MARF1: variants seen among roughly 807,000 people sequenced by gnomAD.
MARF1 encodes meiosis regulator and mRNA stability factor 1, also known as limkain-b1.
In MARF1, 24 loss-of-function variants were observed where a neutral mutation model predicts 168.2. The ratio of observed to expected loss-of-function variants is 0.14; its 90% confidence interval spans 0.10 to 0.20. The LOEUF (loss-of-function observed/expected upper bound fraction) is 0.20. MARF1 is among the 10% of genes least tolerant of loss of function. The probability of loss-of-function intolerance (pLI) is 1.00; values close to 1 mark genes in which losing one functional copy is unlikely to be tolerated. For synonymous variants in MARF1, 868 were observed against 822.4 expected (o/e 1.06, Z -0.95); for missense variants, 1,744 against 2,143.6 (o/e 0.81, Z 3.68).
intron 23 of MARF1, chr16:15,601,035 C>T: frequency 1.7e-6 from 1 of 571,680 alleles, no homozygotes; most frequent in Non-Finnish European, 3.3e-6. Flanking sequence ...CATTTTTTTG[C>T]AGAAACTGAA....
At position 15,596,025 on chromosome 16, in the gene MARF1, G is replaced by A. The variant is rs1276978820; in HGVS notation, c.*668C>T. On this transcript the variant is annotated 3_prime_UTR_variant, in exon 27 of 27. Coordinates refer to ENST00000396368, the MANE Select transcript of MARF1 (RefSeq NM_014647.4). ...CAACTTTCTAGAAAGCTCCTAAATG[G>A]AACCCCAAAGTAGAAACGTTTAAAA... The A allele has an allele frequency of 6.6e-6, 1 of 152,486 alleles. No individual in the cohort carries two copies. The highest frequency in any genetic ancestry group is 1.5e-5 in the Non-Finnish European group (1 of 68,018). The allele number at this position is 152,486 out of a possible 1,614,324, so 9.4% of individuals were successfully genotyped here.
At chr16:15,624,111 C>G (rs1411757585) in intron 10 of MARF1, among the ~76,000 whole-genome samples, 1 of 151,706 alleles carries the variant, frequency 6.6e-6, no homozygotes, top group Non-Finnish European at 1.5e-5. Flanking sequence ...TGGGGTTTCA[C>G]CGTGTTAGCC....
intron 4 of MARF1, 115 bp from the exon 5 acceptor site, chr16:15,633,958 T>C: frequency 1.2e-6 from 1 of 866,908 alleles, no homozygotes; most frequent in Non-Finnish European, 1.8e-6. Flanking sequence ...TATTAATGAA[T>C]GCCAAGTTTT....
Position 15,609,730 on chromosome 16 carries a change from T to A in MARF1, c.3752-5A>T, listed in dbSNP as rs1567543010. 6.2e-7 allele frequency: 1 copy of A among 1,611,158 alleles called. No individual in the cohort carries two copies. Among genetic ancestry groups the A allele is most frequent in the South Asian group, 1.1e-5 (1 of 90,718 alleles). On this transcript the variant is annotated splice_region_variant and splice_polypyrimidine_tract_variant and intron_variant, in intron 19 of 26. Coordinates refer to ENST00000396368, the MANE Select transcript of MARF1 (RefSeq NM_014647.4). ...CTATTTCATCCTGAGTGCGTTCTTT[T>A]AAAAAAACCAAAAAACATAAAATCA... is the stretch of plus-strand genomic sequence containing the variant.
chr16:15,617,006 AGCAGAACTAGG>A, intron 15 of MARF1, 35 bp downstream of exon 15: 1 of 1,579,184 alleles, frequency 6.3e-7, no homozygotes, highest in Non-Finnish European at 8.6e-7. Context: ...TCCTATAAAA[AGCAGAACTAGG>A]GCATTATATC....
At position 15,635,705 on chromosome 16, in the gene MARF1, G is replaced by A; in HGVS notation, c.782C>T (p.Pro261Leu). The A allele has an allele frequency of 6.2e-7, 1 of 1,614,108 alleles. No homozygotes were observed. The highest frequency in any genetic ancestry group is 8.5e-7 in the Non-Finnish European group (1 of 1,180,038). ...AAGTGAGCCCTTTAAACAAACCGGA[G>A]GTACCACATTAAGGTGCAAAGAGTT... is the stretch of plus-strand genomic sequence containing the variant. ...CTNSLHLNVV[P>L]PVCLKGSLYC... Residue 261 changes from proline (P) to leucine (L), a missense_variant, in exon 3 of 27, where the codon CCT becomes CTT. Physicochemically the swap from Pro to Leu is moderately conservative, Grantham distance 98 (BLOSUM62 -3). Coordinates refer to ENST00000396368, the MANE Select transcript of MARF1 (RefSeq NM_014647.4).
At chr16:15,601,074 T>A in intron 23 of MARF1, 1 of 504,350 alleles carries the variant, frequency 2.0e-6, no homozygotes, top group South Asian at 1.5e-5. Context: ...AAGAGCAATC[T>A]CTCAGACCCT....
At chr16:15,627,483 T>C (rs1462452623) in intron 7 of MARF1, among the ~76,000 whole-genome samples, 1 of 152,172 alleles carries the variant, frequency 6.6e-6, no homozygotes, top group African/African-American at 2.4e-5. Flanking sequence ...CCAGGCGTGG[T>C]GGCGGGCGCC....
At chr16:15,617,213 G>T in intron 14 of MARF1, 42 bp from the exon 15 acceptor site, 1 of 1,610,368 alleles carries the variant, frequency 6.2e-7, no homozygotes, top group Non-Finnish European at 8.5e-7. Context: ...CATTCCGCAG[G>T]GGTCTAAGAT....
At chr16:15,599,196 A>C in intron 25 of MARF1, 172 bp from the exon 26 acceptor site, 3 of 653,536 alleles carry the variant, frequency 4.6e-6, no homozygotes, top group Non-Finnish European at 7.9e-6. Context: ...AAACCCACTA[A>C]CAGGAAGATC....
chr16:15,597,936 C>T (rs916779165), intron 26 of MARF1, among the ~76,000 whole-genome samples: 2 of 152,074 alleles, frequency 1.3e-5, no homozygotes, highest in Non-Finnish European at 2.9e-5. Context: ...TCCAAGTCAA[C>T]AGCCTCAGTT....
chr16:15,633,795 G>C lies in MARF1; in HGVS notation c.1055C>G (p.Pro352Arg), dbSNP rs760476370. The C allele has an allele frequency of 6.2e-6, 10 of 1,613,794 alleles. No individual in the cohort carries two copies. Among genetic ancestry groups the C allele is most frequent in the Non-Finnish European group, 8.5e-6 (10 of 1,179,946 alleles). ...VAGQVLENLPPIGVFWDIENC... is the reference protein window; with the variant it reads ...VAGQVLENLPRIGVFWDIENC... Reference sequence around the variant, plus strand: ...TTCAATATCCCAAAAAACTCCAATGGGGGGTAAGTTTTCTAGCACCTGTCC... The same window carrying C: ...TTCAATATCCCAAAAAACTCCAATGCGGGGTAAGTTTTCTAGCACCTGTCC... The change falls in exon 5 of 27, where the codon CCC (proline) becomes CGC (arginine). Residue 352 changes from proline to arginine, a missense_variant. Coordinates refer to ENST00000396368, the MANE Select transcript of MARF1 (RefSeq NM_014647.4).
chr16:15,611,788 C>T (rs2033583614), intron 17 of MARF1, 54 bp from the exon 18 acceptor site: 1 of 1,494,550 alleles, frequency 6.7e-7, no homozygotes, highest in African/African-American at 1.4e-5. Context: ...ACAGCGACTT[C>T]CTTGCTGCTG....
intron 10 of MARF1, among the ~76,000 whole-genome samples, chr16:15,624,078 A>C (rs2034664337): frequency 6.6e-6 from 1 of 151,908 alleles, no homozygotes; most frequent in Non-Finnish European, 1.5e-5. Context: ...CGCCCGGCTA[A>C]TTTTTTGTAT....
chr16:15,596,553 CATGAT>C lies in MARF1; in HGVS notation c.*135_*139del. The C allele has an allele frequency of 2.7e-6, 2 of 742,494 alleles. No individual in the cohort carries two copies. The highest frequency in any genetic ancestry group is 4.0e-6 in the Non-Finnish European group (2 of 493,912). 46.0% of individuals were successfully genotyped at this position (742,494 alleles called of 1,614,324 possible). ...AGCTGTGTTCAATGGAAAAGAAAAA[CATGAT>C]AGAACACAGGTAAGATGAAGTCAAT... On this transcript the variant is annotated 3_prime_UTR_variant, in exon 27 of 27. Transcript: ENST00000396368.
intron 1 of MARF1, among the ~76,000 whole-genome samples, chr16:15,640,872 T>C (rs2035904055): frequency 6.6e-6 from 1 of 152,238 alleles, no homozygotes; most frequent in African/African-American, 2.4e-5. Flanking sequence ...AAAGCCTATA[T>C]TTACTACGTG....
intron 1 of MARF1, among the ~76,000 whole-genome samples, chr16:15,640,442 G>T (rs2035874712): frequency 1.3e-5 from 2 of 152,156 alleles, no homozygotes; most frequent in East Asian, 1.9e-4. Flanking sequence ...CGTGGCTCAG[G>T]CCTGCAATCC....
chr16:15,626,406 A>C (rs144729565), intron 7 of MARF1, among the ~76,000 whole-genome samples: 1 of 152,344 alleles, frequency 6.6e-6, no homozygotes, highest in African/African-American at 2.4e-5. Context: ...GTTTTTTAAA[A>C]GTCTATTTAT....
Position 15,604,323 on chromosome 16 carries a change from G to T in MARF1, c.4258C>A (p.Leu1420Met). The change falls in exon 22 of 27, where the codon CTG becomes ATG. Residue 1420 changes from leucine to methionine, a missense_variant. Physicochemically the swap from Leu to Met is conservative, Grantham distance 15. This residue lies in a region of MARF1 where 74 missense variants were observed against 66.7 expected (regional missense o/e 1.11). Coordinates refer to ENST00000396368, the MANE Select transcript of MARF1 (RefSeq NM_014647.4). ...KSLRSLTAQL[L>M]VLLMSWEGTT... ...CCTTCCCAAGACATCAACAATACCA[G>T]CAACTGGGCAGTGAGAGATCGCAGA... 6.2e-7 allele frequency: 1 copy of T among 1,614,158 alleles called. No individual in the cohort carries two copies. The highest frequency in any genetic ancestry group is 8.5e-7 in the Non-Finnish European group (1 of 1,180,006).
Sources: gnomAD v4.1 joint callset for allele counts (sites outside exome capture counted in the v4.1 genomes callset) on GRCh38, gnomAD v4.1.1 for gene constraint, gnomAD v4.1.1 regional missense constraint, MANE v1.5 for transcripts, NCBI Gene and HGNC (gene_info 2026-07-23, HGNC 2026-07-21) for gene names.